Variants in PRTG observed in about 807,000 individuals in gnomAD.
The protein encoded by PRTG is immunoglobulin superfamily, DCC subclass, member 5.
In PRTG, 67 loss-of-function variants were observed where a neutral mutation model predicts 122.5. The ratio of observed to expected loss-of-function variants is 0.55; its 90% confidence interval spans 0.45 to 0.67. PRTG has a LOEUF of 0.67. PRTG is among the 30% of genes least tolerant of loss of function. The pLI is 0.00. For synonymous variants in PRTG, 554 were observed against 501.1 expected, an observed-to-expected ratio of 1.11 and a Z score of -1.41; for missense variants, 1,435 against 1,415.4, an observed-to-expected ratio of 1.01 and a Z score of -0.22.
At chr15:55,692,310 G>T (rs2059607879) in intron 2 of PRTG, among the ~76,000 whole-genome samples, 1 of 152,154 alleles carries the variant, frequency 6.6e-6, no homozygotes, top group Non-Finnish European at 1.5e-5. Context: ...AACAGCAGAA[G>T]AGAGATCTGC....
chr15:55,692,177 A>G (rs1463264345), intron 2 of PRTG, among the ~76,000 whole-genome samples: 1 of 152,222 alleles, frequency 6.6e-6, no homozygotes, highest in Non-Finnish European at 1.5e-5. Context: ...TAGGAATATC[A>G]GTTTTTCCTT....
chr15:55,680,570 T>G lies in PRTG; in HGVS notation c.735A>C (p.Thr245=), dbSNP rs781031095. 7.5e-6 allele frequency: 12 copies of G among 1,599,730 alleles called. No homozygotes were observed. The South Asian group carries it at 1.4e-4, about 18-fold the overall frequency. ...PTIIAGPQNI[T]TSLHQTVVLE... ...AAACTACAGTCTGATGAAGAGATGT[T>G]GTTATGTTCTGTGGACCTGCTATAA... The change falls in exon 5 of 20, where the codon ACA becomes ACC. Residue 245 remains threonine (T), a synonymous_variant. Coordinates refer to ENST00000389286, the MANE Select transcript of PRTG (RefSeq NM_173814.6).
intron 15 of PRTG, among the ~76,000 whole-genome samples, chr15:55,632,792 A>G (rs1382167155): frequency 6.6e-6 from 1 of 152,132 alleles, no homozygotes; most frequent in Non-Finnish European, 1.5e-5. Flanking sequence ...GAAAATGTAT[A>G]TATTTGTTGG....
intron 18 of PRTG, among the ~76,000 whole-genome samples, chr15:55,622,755 C>T (rs1331978046): frequency 8.6e-5 from 13 of 151,814 alleles, no homozygotes; most frequent in African/African-American, 1.9e-4. Flanking sequence ...AGGCTGGTCT[C>T]GAACTCCCGA....
chr15:55,696,124 T>C (rs764774200), intron 2 of PRTG, among the ~76,000 whole-genome samples: 6 of 151,548 alleles, frequency 4.0e-5, no homozygotes, highest in Non-Finnish European at 5.9e-5. Flanking sequence ...ATGAGTTGGG[T>C]GTGGTGGCCT....
chr15:55,743,003 G>A lies in PRTG; in HGVS notation c.-72C>T. 1.5e-6 allele frequency: 2 copies of A among 1,375,952 alleles called. No individual in the cohort carries two copies. Among genetic ancestry groups the A allele is most frequent in the Non-Finnish European group, 1.9e-6 (2 of 1,069,728 alleles). The allele number at this position is 1,375,952 out of a possible 1,614,324, so 85.2% of individuals were successfully genotyped here. A position where few individuals can be genotyped will look rare whatever the true frequency, so the allele number is the denominator to read the frequency against. On this transcript the variant is annotated 5_prime_UTR_variant, in exon 1 of 20. Transcript: ENST00000389286. The stretch of plus-strand genomic sequence containing the variant: ...TCCGTCTGCGGCCCCCGCCCCGGGC[G>A]CTCTCTGCTCTGCGGCTGGTCGCAC...
chr15:55,711,836 T>C (rs1344964857), intron 2 of PRTG, among the ~76,000 whole-genome samples: 1 of 152,206 alleles, frequency 6.6e-6, no homozygotes, highest in Non-Finnish European at 1.5e-5. Context: ...TAGAAATAAT[T>C]TGTTATGCAG....
Position 55,678,121 on chromosome 15 carries a change from A to G in PRTG, c.1134-77T>C, listed in dbSNP as rs150541073. 1.2e-3 allele frequency: 1,002 copies of G among 804,266 alleles called. 4 individuals are homozygous for G. The African/African-American group carries it at 0.016, about 12-fold the overall frequency. The allele number at this position is 804,266 out of a possible 1,614,324, so 49.8% of individuals were successfully genotyped here. A position where few individuals can be genotyped will look rare whatever the true frequency, so the allele number is the denominator to read the frequency against. On this transcript the variant is annotated intron_variant, in intron 7 of 19. Transcript: ENST00000389286. Reference sequence around the variant, plus strand: ...AAATAAAGTTTAGCTATTGCTAAATATACTCTCATTTTATTTTATTTTAAA... The same window carrying G: ...AAATAAAGTTTAGCTATTGCTAAATGTACTCTCATTTTATTTTATTTTAAA...
At position 55,641,098 on chromosome 15, in the gene PRTG, A is replaced by T. The variant is rs768759415; in HGVS notation, c.2137+15T>A. The T allele has an allele frequency of 6.3e-7, 1 of 1,583,052 alleles. No individual in the cohort carries two copies. The highest frequency in any genetic ancestry group is 1.1e-5 in the South Asian group (1 of 90,362). On this transcript the variant is annotated intron_variant, in intron 12 of 19. Coordinates refer to ENST00000389286, the MANE Select transcript of PRTG (RefSeq NM_173814.6). ...GTGAGCCATAGTAAAACAAACTGCCATGGCTTTCACTTACACACGCATCCT... is the reference window on the plus strand; with the variant it reads ...GTGAGCCATAGTAAAACAAACTGCCTTGGCTTTCACTTACACACGCATCCT...
In PRTG at chr15:55,618,281, T is replaced by C. The variant is rs1450903365; in HGVS notation, c.*1731A>G. The C allele has an allele frequency of 6.6e-6, 1 of 152,228 alleles. No homozygotes were observed. Among genetic ancestry groups the C allele is most frequent in the African/African-American group, 2.4e-5 (1 of 41,462 alleles). 9.4% of individuals were successfully genotyped at this position (152,228 alleles called of 1,614,324 possible). A position where few individuals can be genotyped will look rare whatever the true frequency, so the allele number is the denominator to read the frequency against. On this transcript the variant is annotated 3_prime_UTR_variant, in exon 20 of 20. Coordinates refer to ENST00000389286, the MANE Select transcript of PRTG (RefSeq NM_173814.6). ...CAGTCATTAGACTAGCAGATGATGC[T>C]GGGACTATTATCTGCTAATATTCCT... is the stretch of plus-strand genomic sequence containing the variant.
intron 11 of PRTG, among the ~76,000 whole-genome samples, chr15:55,669,929 G>C (rs2059458967): frequency 6.6e-6 from 1 of 152,178 alleles, no homozygotes; most frequent in African/African-American, 2.4e-5. Flanking sequence ...TTATGCATTA[G>C]AAGTGATTTT....
intron 2 of PRTG, among the ~76,000 whole-genome samples, chr15:55,735,806 C>G (rs1436042755): frequency 6.7e-6 from 1 of 149,904 alleles, no homozygotes; most frequent in Non-Finnish European, 1.5e-5. Context: ...ATGATCCTCA[C>G]TAATCTAGGG....
intron 15 of PRTG, among the ~76,000 whole-genome samples, chr15:55,630,026 G>T (rs954197255): frequency 1.4e-5 from 2 of 142,636 alleles, no homozygotes; most frequent in African/African-American, 5.3e-5. Context: ...TCACTCTGTC[G>T]CCCAGGCTAG....
chr15:55,660,515 C>A (rs2141770846), intron 11 of PRTG, among the ~76,000 whole-genome samples: 1 of 152,302 alleles, frequency 6.6e-6, no homozygotes, highest in South Asian at 2.1e-4. Context: ...TACAAGAGTT[C>A]TTCCTTCTCT....
In PRTG at chr15:55,742,713, G is replaced by T. The variant is rs539593899; in HGVS notation, c.94+125C>A. 1.3e-3 allele frequency: 1,551 copies of T among 1,183,310 alleles called. 56 individuals are homozygous for T. The East Asian group carries it at 0.043, about 33-fold the overall frequency. The allele number at this position is 1,183,310 out of a possible 1,614,324, so 73.3% of individuals were successfully genotyped here. A position where few individuals can be genotyped will look rare whatever the true frequency, so the allele number is the denominator to read the frequency against. On this transcript the variant is annotated intron_variant, in intron 1 of 19. Coordinates refer to ENST00000389286, the MANE Select transcript of PRTG (RefSeq NM_173814.6). ...CGCAGGGCGAGAGCGGGGGCCGGGG[G>T]TCAGCGCCACCACGGAGGACCCCGC...
rs1249954758 is a variant in PRTG at position 55,616,239 on chromosome 15, A to T, written c.*3773T>A. 1 of 152,162 alleles carries T rather than the reference A, an allele frequency of 6.6e-6. No individual in the cohort carries two copies. Among genetic ancestry groups the T allele is most frequent in the Non-Finnish European group, 1.5e-5 (1 of 67,998 alleles). 9.4% of individuals were successfully genotyped at this position (152,162 alleles called of 1,614,324 possible). On this transcript the variant is annotated 3_prime_UTR_variant, in exon 20 of 20. Coordinates refer to ENST00000389286, the MANE Select transcript of PRTG (RefSeq NM_173814.6). ...AACTGAGCTCCTTTGGTGCAATGCA[A>T]ACATTTCAATTTAACAACTCTAAAT...
In PRTG at chr15:55,616,926, G is replaced by C. The variant is rs577832179; in HGVS notation, c.*3086C>G. On this transcript the variant is annotated 3_prime_UTR_variant, in exon 20 of 20. Coordinates refer to ENST00000389286, the MANE Select transcript of PRTG (RefSeq NM_173814.6). ...AACCTATACATCTTAATGGTCTTTG[G>C]TATGAAAATACTGATGAGCAGTATC... The C allele has an allele frequency of 6.6e-6, 1 of 152,042 alleles. No homozygotes were observed. The highest frequency in any genetic ancestry group is 1.9e-4 in the East Asian group (1 of 5,178). The allele number at this position is 152,042 out of a possible 1,614,324, so 9.4% of individuals were successfully genotyped here.
In PRTG at chr15:55,627,830, C is replaced by T. The variant is rs111391553; in HGVS notation, c.2807-702G>A. Among the ~76,000 whole-genome samples, 83 of 152,200 alleles carry T rather than the reference C, an allele frequency of 5.5e-4. 1 individual carries two copies. Among genetic ancestry groups the T allele is most frequent in the African/African-American group, 1.4e-3 (59 of 41,538 alleles). ...TCCATTTACATACACTAAAGCAGGG[C>T]TTCTCAAACTTTCATGTGCCTGTGA... On this transcript the variant is annotated intron_variant, in intron 16 of 19. Transcript: ENST00000389286.
At position 55,619,857 on chromosome 15, in the gene PRTG, C is replaced by A. The variant is rs2059156473; in HGVS notation, c.*155G>T. On this transcript the variant is annotated 3_prime_UTR_variant, in exon 20 of 20. Transcript: ENST00000389286. The stretch of plus-strand genomic sequence containing the variant: ...TAATGGTGAGAATACCTGAGCATGG[C>A]CGTCTAGATTGGAAAATCATTTTTA... The A allele has an allele frequency of 2.4e-6, 3 of 1,261,812 alleles. No homozygotes were observed. The highest frequency in any genetic ancestry group is 5.3e-5 in the Admixed American group (2 of 38,012). The allele number at this position is 1,261,812 out of a possible 1,614,324, so 78.2% of individuals were successfully genotyped here.
Sources: allele counts gnomAD v4.1 joint callset (sites outside exome capture counted in the v4.1 genomes callset), GRCh38; gene constraint gnomAD v4.1.1; transcripts MANE v1.5; gene names NCBI Gene and HGNC (gene_info 2026-07-23, HGNC 2026-07-21).